The following GALNT13 variants were observed in gnomAD, a reference collection of about 807,000 sequenced individuals.
The protein encoded by GALNT13 is UDP-GalNAc:polypeptide N-acetylgalactosaminyltransferase 13.
A neutral mutation model predicts 64.2 loss-of-function variants in GALNT13; 28 were observed. The ratio of observed to expected loss-of-function variants is 0.44; its 90% CI spans 0.32 to 0.60. The LOEUF (loss-of-function observed/expected upper bound fraction) is 0.60, where lower values mean the gene tolerates loss of function less well. Ranked by LOEUF, GALNT13 falls within the 20% of genes least tolerant of loss-of-function variation. GALNT13 has a pLI of 0.05. For synonymous variants in GALNT13, 214 were observed against 224.6 expected (o/e 0.95, Z 0.42); for missense variants, 577 against 669.8 (o/e 0.86, Z 1.53).
intron 4 of GALNT13, among the ~76,000 whole-genome samples, chr2:154,142,606 A>T (rs1420484842): frequency 6.6e-6 from 1 of 151,092 alleles, no homozygotes; most frequent in Non-Finnish European, 1.5e-5. Flanking sequence ...CCCTGTTGAG[A>T]TTCCAGGGCT....
At chr2:154,421,316 T>C (rs1700240236) in intron 11 of GALNT13, among the ~76,000 whole-genome samples, 1 of 152,082 alleles carries the variant, frequency 6.6e-6, no homozygotes. Context: ...TAAAATATTA[T>C]TGAAAGTAGC....
intron 2 of GALNT13, among the ~76,000 whole-genome samples, chr2:153,911,630 T>C (rs543754445): frequency 6.6e-6 from 1 of 152,292 alleles, no homozygotes; most frequent in African/African-American, 2.4e-5. Flanking sequence ...AGCATTTGCC[T>C]GTCTGAAAAG....
chr2:153,230,059 T>A, the GALNT13 span, among the ~76,000 whole-genome samples: 138 of 152,330 alleles, frequency 9.1e-4, no homozygotes, highest in African/African-American at 3.2e-3. Context: ...TCAAATTAAT[T>A]CATATGTTGC....
chr2:154,282,313 T>G (rs746052802), intron 8 of GALNT13, among the ~76,000 whole-genome samples: 1 of 152,184 alleles, frequency 6.6e-6, no homozygotes, highest in Non-Finnish European at 1.5e-5. Flanking sequence ...AGTTTTATAG[T>G]CTCAGCTCCT....
At chr2:153,472,785 A>C in the GALNT13 span, among the ~76,000 whole-genome samples, 3 of 152,348 alleles carry the variant, frequency 2.0e-5, no homozygotes, top group Non-Finnish European at 4.4e-5. Flanking sequence ...AACAAATGAA[A>C]ATAAGCTTTG....
chr2:153,446,249 T>C, the GALNT13 span, among the ~76,000 whole-genome samples: 1 of 152,172 alleles, frequency 6.6e-6, no homozygotes, highest in South Asian at 2.1e-4. Flanking sequence ...GTCAATACCA[T>C]TGTGGAATTT....
intron 3 of GALNT13, among the ~76,000 whole-genome samples, chr2:154,120,758 A>G (rs984879968): frequency 6.6e-6 from 1 of 152,146 alleles, no homozygotes; most frequent in Non-Finnish European, 1.5e-5. Flanking sequence ...TAAACTTCCC[A>G]CCATATTTTT....
chr2:154,143,171 AC>A (rs995465622), intron 4 of GALNT13, among the ~76,000 whole-genome samples: 1 of 152,166 alleles, frequency 6.6e-6, no homozygotes, highest in African/African-American at 2.4e-5. Flanking sequence ...CATAAGGAGC[AC>A]ACAGCCTAGA....
At chr2:153,993,587 C>G (rs939088766) in intron 3 of GALNT13, among the ~76,000 whole-genome samples, 2 of 150,362 alleles carry the variant, frequency 1.3e-5, no homozygotes, top group African/African-American at 4.9e-5. Flanking sequence ...GTCTCAGCTA[C>G]TCGGGAGGCT....
intron 4 of GALNT13, among the ~76,000 whole-genome samples, chr2:154,194,388 T>A (rs1372225411): frequency 6.6e-6 from 1 of 152,198 alleles, no homozygotes; most frequent in Non-Finnish European, 1.5e-5. Flanking sequence ...ATGCCATTTT[T>A]AAAAAGTAGA....
the GALNT13 span, among the ~76,000 whole-genome samples, chr2:153,103,875 T>C: frequency 6.6e-6 from 1 of 152,214 alleles, no homozygotes; most frequent in Non-Finnish European, 1.5e-5. Flanking sequence ...CATTCACTCT[T>C]TGAGAAAATT....
rs116231601 is a variant in GALNT13, at chr2:154,146,550, C to T, written c.311+6045C>T. Among the ~76,000 whole-genome samples the T allele has an allele frequency of 4.7e-3, 711 of 152,004 alleles. 4 individuals are homozygous for T. The highest frequency in any genetic ancestry group is 0.016 in the African/African-American group (679 of 41,484). On this transcript the variant is annotated intron_variant, in intron 4 of 12. Coordinates refer to ENST00000392825, the MANE Select transcript of GALNT13 (RefSeq NM_052917.4). ...TCAGAATATGCTACCCTAAAATATG[C>T]GAATTTAGCATAAAGATCCTTTTGA...
the GALNT13 span, among the ~76,000 whole-genome samples, chr2:153,073,991 T>C: frequency 6.6e-6 from 1 of 152,184 alleles, no homozygotes; most frequent in Admixed American, 6.6e-5. Context: ...CCTATATTCT[T>C]GCAAACTGAT....
At chr2:153,660,040 T>G in the GALNT13 span, among the ~76,000 whole-genome samples, 1 of 152,134 alleles carries the variant, frequency 6.6e-6, no homozygotes, top group African/African-American at 2.4e-5. Flanking sequence ...ACTGTCAAGG[T>G]TCCCTCTTCC....
Position 154,060,637 on chromosome 2 carries a change from G to A in GALNT13, c.143-79700G>A, listed in dbSNP as rs972482775. Reference sequence around the variant, plus strand: ...CTCCCAAAGTGCTGGGACCACAGGCGTGAGCCACCGCACCTAAGGCCAGTT... The same window carrying A: ...CTCCCAAAGTGCTGGGACCACAGGCATGAGCCACCGCACCTAAGGCCAGTT... On this transcript the variant is annotated intron_variant, in intron 3 of 12. Transcript: ENST00000392825. 3.9e-5 allele frequency among the ~76,000 whole-genome samples: 6 copies of A among 152,244 alleles called. No homozygotes were observed. In the East Asian group the frequency reaches 5.8e-4, roughly 15 times the overall value.
chr2:153,104,383 A>C, the GALNT13 span, among the ~76,000 whole-genome samples: 1 of 152,176 alleles, frequency 6.6e-6, no homozygotes, highest in Non-Finnish European at 1.5e-5. Context: ...CTTAAAAATT[A>C]GAATTTGTAA....
chr2:154,220,189 G>T (rs116566430), intron 4 of GALNT13, among the ~76,000 whole-genome samples: 1 of 152,074 alleles, frequency 6.6e-6, no homozygotes, highest in South Asian at 2.1e-4. Context: ...TCATGTTGAC[G>T]CAATTTCCCT....
At chr2:153,780,238 T>C in the GALNT13 span, among the ~76,000 whole-genome samples, 1 of 15,092 alleles carries the variant, frequency 6.6e-5, no homozygotes, top group African/African-American at 1.4e-4. Flanking sequence ...TATATATATA[T>C]ATATATATAT....
At chr2:153,749,353 A>T in the GALNT13 span, among the ~76,000 whole-genome samples, 1 of 151,916 alleles carries the variant, frequency 6.6e-6, no homozygotes, top group Admixed American at 6.6e-5. Flanking sequence ...AAATTTTGGC[A>T]TTGCTTTTTC....
Sources: gnomAD v4.1 joint callset for allele counts (sites outside exome capture counted in the v4.1 genomes callset) on GRCh38, gnomAD v4.1.1 for gene constraint, MANE v1.5 for transcripts, NCBI Gene and HGNC (gene_info 2026-07-23, HGNC 2026-07-21) for gene names.